Variants in NAALADL2 observed in about 807,000 individuals in gnomAD.
The protein encoded by NAALADL2 is N-acetylated alpha-linked acidic dipeptidase like 2, also known as inactive N-acetylated-alpha-linked acidic dipeptidase-like protein 2.
A neutral mutation model predicts 87.2 loss-of-function variants in NAALADL2; 76 were observed. That is an observed-to-expected ratio of 0.87 (90% CI 0.72 to 1.05). The LOEUF is 1.05. Among genes scored for constraint, NAALADL2 ranks in the 50% least tolerant of loss-of-function variants. The pLI is 0.00. For synonymous variants in NAALADL2, 354 were observed against 331.0 expected (o/e 1.07, Z -0.75); for missense variants, 1,089 against 945.8 (o/e 1.15, Z -1.99).
chr3:174,514,546 A>G (rs898068802), intron 1 of NAALADL2, among the ~76,000 whole-genome samples: 28 of 152,186 alleles, frequency 1.8e-4, no homozygotes, highest in African/African-American at 6.8e-4. Flanking sequence ...ACTAATTACT[A>G]AACAGTTATT....
chr3:175,800,775 C>T (rs1754051015), intron 13 of NAALADL2, among the ~76,000 whole-genome samples: 1 of 152,162 alleles, frequency 6.6e-6, no homozygotes, highest in Non-Finnish European at 1.5e-5. Flanking sequence ...CCTAGCCTCA[C>T]AGCACTGAAT....
chr3:174,779,057 G>A (rs1243355542), intron 3 of NAALADL2, among the ~76,000 whole-genome samples: 2 of 152,160 alleles, frequency 1.3e-5, no homozygotes, highest in Non-Finnish European at 2.9e-5. Context: ...TTGCCACACT[G>A]TCTTCCACAA....
At chr3:174,936,736 C>T (rs770403086) in intron 1 of NAALADL2, among the ~76,000 whole-genome samples, 3 of 152,006 alleles carry the variant, frequency 2.0e-5, no homozygotes, top group Non-Finnish European at 2.9e-5. Context: ...GTAAGCAAAC[C>T]GACAGTACTG....
intron 3 of NAALADL2, among the ~76,000 whole-genome samples, chr3:174,848,002 TC>T (rs1560283534): frequency 2.1e-5 from 3 of 146,096 alleles, no homozygotes; most frequent in African/African-American, 7.6e-5. Flanking sequence ...AACTCTTTTC[TC>T]TCTCTTTTTT....
chr3:175,418,185 AT>A (rs1715006905), intron 5 of NAALADL2, among the ~76,000 whole-genome samples: 1 of 152,132 alleles, frequency 6.6e-6, no homozygotes, highest in Middle Eastern at 3.2e-3. Flanking sequence ...TACTTTTTGT[AT>A]TTTGGAAAGG....
At chr3:174,599,152 T>C (rs1718205441) in intron 2 of NAALADL2, among the ~76,000 whole-genome samples, 1 of 152,150 alleles carries the variant, frequency 6.6e-6, no homozygotes, top group Non-Finnish European at 1.5e-5. Context: ...CTTCTTGCTG[T>C]TTTGCTGATA....
At chr3:175,035,461 C>T (rs974004840) in intron 1 of NAALADL2, among the ~76,000 whole-genome samples, 3 of 152,054 alleles carry the variant, frequency 2.0e-5, no homozygotes, top group African/African-American at 7.2e-5. Context: ...TGACAAGGGA[C>T]AGGGTGTCTG....
At chr3:175,606,910 A>G (rs1194115488) in intron 10 of NAALADL2, among the ~76,000 whole-genome samples, 1 of 152,156 alleles carries the variant, frequency 6.6e-6, no homozygotes, top group Non-Finnish European at 1.5e-5. Flanking sequence ...GGATCAGTAC[A>G]TATCCTTAAC....
At chr3:175,243,898 C>G (rs1040415444) in intron 3 of NAALADL2, among the ~76,000 whole-genome samples, 15 of 152,132 alleles carry the variant, frequency 9.9e-5, no homozygotes, top group African/African-American at 3.6e-4. Context: ...AAACTTCTCT[C>G]AAGTTATTTT....
At chr3:174,659,250 C>G (rs1016492919) in intron 2 of NAALADL2, among the ~76,000 whole-genome samples, 17 of 152,170 alleles carry the variant, frequency 1.1e-4, no homozygotes, top group Non-Finnish European at 1.3e-4. Context: ...TATGTTCCCT[C>G]GTTTATTTGT....
intron 1 of NAALADL2, among the ~76,000 whole-genome samples, chr3:175,021,165 TC>T (rs1220021999): frequency 6.6e-6 from 1 of 152,022 alleles, no homozygotes; most frequent in East Asian, 1.9e-4. Flanking sequence ...TGTGAAGGTC[TC>T]CTGTGTTTAG....
intron 5 of NAALADL2, among the ~76,000 whole-genome samples, chr3:175,356,998 T>A (rs1465222887): frequency 6.6e-6 from 1 of 152,276 alleles, no homozygotes; most frequent in East Asian, 1.9e-4. Flanking sequence ...TTTTGGAGTC[T>A]CTTTGCTTAC....
At chr3:175,548,028 C>T (rs996649570) in intron 9 of NAALADL2, among the ~76,000 whole-genome samples, 4 of 151,982 alleles carry the variant, frequency 2.6e-5, no homozygotes, top group African/African-American at 9.7e-5. Flanking sequence ...AAATACCATT[C>T]AGCACAGCAA....
intron 11 of NAALADL2, among the ~76,000 whole-genome samples, chr3:175,655,963 T>C (rs1446838816): frequency 6.6e-6 from 1 of 152,186 alleles, no homozygotes; most frequent in Non-Finnish European, 1.5e-5. Context: ...GAAGAGACTG[T>C]AGAAATTGCC....
At chr3:175,464,202 T>C (rs1389322418) in intron 7 of NAALADL2, among the ~76,000 whole-genome samples, 3 of 152,114 alleles carry the variant, frequency 2.0e-5, no homozygotes, top group South Asian at 2.1e-4. Flanking sequence ...AATTTAGTTG[T>C]CCAGTTTTAT....
intron 2 of NAALADL2, among the ~76,000 whole-genome samples, chr3:174,707,777 T>A (rs2108903678): frequency 6.6e-6 from 1 of 151,184 alleles, no homozygotes; most frequent in African/African-American, 2.4e-5. Flanking sequence ...ACATGTACCC[T>A]AGAACTTAAA....
intron 9 of NAALADL2, among the ~76,000 whole-genome samples, chr3:175,512,739 T>C (rs1324412345): frequency 6.6e-6 from 1 of 152,202 alleles, no homozygotes; most frequent in Non-Finnish European, 1.5e-5. Flanking sequence ...AGATATTATC[T>C]GCTGTCACTT....
chr3:174,976,087 A>G (rs541954629), intron 1 of NAALADL2, among the ~76,000 whole-genome samples: 4 of 152,338 alleles, frequency 2.6e-5, no homozygotes, highest in South Asian at 4.1e-4. Context: ...TATAAATGCA[A>G]TAGACATAGG....
At chr3:174,664,527 T>A (rs1462825129) in intron 2 of NAALADL2, among the ~76,000 whole-genome samples, 2 of 152,186 alleles carry the variant, frequency 1.3e-5, no homozygotes, top group African/African-American at 4.8e-5. Flanking sequence ...TTGTCATAAA[T>A]ATTTCATTCT....
Sources: allele counts gnomAD v4.1 joint callset (sites outside exome capture counted in the v4.1 genomes callset), GRCh38; gene constraint gnomAD v4.1.1; transcripts MANE v1.5; gene names NCBI Gene and HGNC (gene_info 2026-07-23, HGNC 2026-07-21).